Variants in NEBL observed in about 807,000 individuals in gnomAD.
NEBL encodes the protein LIM and SH3 protein 2.
Under a neutral mutation model 140.2 loss-of-function variants are expected in NEBL, and 122 were observed. That is an observed-to-expected ratio of 0.87 (90% CI 0.75 to 1.01). The LOEUF is 1.01. NEBL is among the 50% of genes least tolerant of loss of function. NEBL has a pLI of 0.00. For synonymous variants in NEBL, 436 were observed against 398.9 expected, an observed-to-expected ratio of 1.09 and a Z score of -1.11; for missense variants, 1,365 against 1,231.3, an observed-to-expected ratio of 1.11 and a Z score of -1.62.
At chr10:21,183,155 C>T (rs747436378) in intron 3 of NEBL, among the ~76,000 whole-genome samples, 37 of 152,194 alleles carry the variant, frequency 2.4e-4, no homozygotes, top group Non-Finnish European at 4.6e-4. Context: ...ATGAAAACCG[C>T]TGATACACTC....
chr10:20,995,150 C>T (rs1837616429), intron 3 of NEBL, among the ~76,000 whole-genome samples: 1 of 152,194 alleles, frequency 6.6e-6, no homozygotes, highest in Non-Finnish European at 1.5e-5. Context: ...GGGAAAAATG[C>T]CAAGGGAAAA....
intron 2 of NEBL, among the ~76,000 whole-genome samples, chr10:21,115,654 A>T (rs1838251317): frequency 6.6e-6 from 1 of 151,444 alleles, no homozygotes; most frequent in South Asian, 2.1e-4. Flanking sequence ...TTTGTCTCTG[A>T]CTGCTTTTGA....
chr10:21,277,211 T>TC (rs1361983279), intron 1 of NEBL, among the ~76,000 whole-genome samples: 192 of 149,230 alleles, frequency 1.3e-3, no homozygotes, highest in African/African-American at 4.6e-3. Flanking sequence ...TTTCTTTCTT[T>TC]TTTTTTTTTT....
chr10:21,093,146 A>C (rs1279091370), intron 2 of NEBL, among the ~76,000 whole-genome samples: 1 of 38,236 alleles, frequency 2.6e-5, no homozygotes, highest in Non-Finnish European at 5.6e-5. Flanking sequence ...ATTTAGCAAC[A>C]AGTCTTTTTT....
At chr10:20,879,220 G>C (rs555255971) in intron 5 of NEBL, among the ~76,000 whole-genome samples, 1 of 152,306 alleles carries the variant, frequency 6.6e-6, no homozygotes, top group Non-Finnish European at 1.5e-5. Context: ...GCAGACTCAG[G>C]AGTTTGATTT....
chr10:21,161,508 A>G (rs1458947164), intron 2 of NEBL, among the ~76,000 whole-genome samples: 2 of 152,190 alleles, frequency 1.3e-5, no homozygotes, highest in African/African-American at 4.8e-5. Context: ...AGACAAAGGC[A>G]ATTAGACCAT....
intron 13 of NEBL, among the ~76,000 whole-genome samples, chr10:20,838,022 G>T (rs1158651380): frequency 1.3e-5 from 2 of 152,098 alleles, no homozygotes; most frequent in African/African-American, 4.8e-5. Context: ...AATGTATAAG[G>T]ATATTCATGT....
chr10:21,102,386 T>C (rs1837517375), intron 2 of NEBL, among the ~76,000 whole-genome samples: 1 of 152,228 alleles, frequency 6.6e-6, no homozygotes, highest in East Asian at 1.9e-4. Flanking sequence ...GTTTTCATCA[T>C]CAACTGTTTC....
chr10:20,919,133 T>TA (rs1191399640), intron 4 of NEBL, among the ~76,000 whole-genome samples: 5 of 151,970 alleles, frequency 3.3e-5, no homozygotes, highest in African/African-American at 7.2e-5. Context: ...AATTCAAAAC[T>TA]AAAAAAAATA....
chr10:20,941,799 C>A (rs1834884794), intron 4 of NEBL, among the ~76,000 whole-genome samples: 2 of 152,068 alleles, frequency 1.3e-5, no homozygotes, highest in Middle Eastern at 3.4e-3. Flanking sequence ...CAATAACAGA[C>A]AAACAGAGAG....
chr10:21,129,526 T>C, intron 2 of NEBL, among the ~76,000 whole-genome samples: 1 of 152,012 alleles, frequency 6.6e-6, no homozygotes, highest in Non-Finnish European at 1.5e-5. Context: ...TGTATATAAA[T>C]ATCTATGTAC....
At chr10:21,127,528 A>C (rs1159134305) in intron 2 of NEBL, among the ~76,000 whole-genome samples, 8 of 152,094 alleles carry the variant, frequency 5.3e-5, no homozygotes, top group Non-Finnish European at 1.0e-4. Context: ...TATACTGGAA[A>C]GTACATAGCA....
At chr10:21,166,327 TTC>T (rs1248665241) in intron 2 of NEBL, among the ~76,000 whole-genome samples, 4 of 151,310 alleles carry the variant, frequency 2.6e-5, no homozygotes, top group African/African-American at 4.9e-5. Flanking sequence ...GCCGAAAGAA[TTC>T]TCTTTTTAGT....
At chr10:20,980,451 A>G (rs7913928) in intron 3 of NEBL, among the ~76,000 whole-genome samples, 9,910 of 152,226 alleles carry the variant, frequency 0.065, 730 homozygotes, top group African/African-American at 0.18. Flanking sequence ...AAAGTAGAGA[A>G]GAAAGAAAAA....
intron 13 of NEBL, among the ~76,000 whole-genome samples, chr10:20,840,394 C>A (rs1032523853): frequency 1.3e-5 from 2 of 152,022 alleles, no homozygotes; most frequent in African/African-American, 4.8e-5. Flanking sequence ...TTATGAGTGG[C>A]AAAGCATGTG....
At position 21,203,218 on chromosome 10, in the gene NEBL, T is replaced by C. The variant is rs1330794509; in HGVS notation, n.349-30741A>G. Reference sequence around the variant, plus strand: ...GAGATAGAAGAACACGACTAAGCTGTTCCCTCATTATCACCAAATCATCTC... The same window carrying C: ...GAGATAGAAGAACACGACTAAGCTGCTCCCTCATTATCACCAAATCATCTC... On this transcript the variant is annotated intron_variant and non_coding_transcript_variant, in intron 3 of 8. Coordinates refer to the NEBL transcript ENST00000675702. Among the ~76,000 whole-genome samples the C allele has an allele frequency of 3.3e-5, 5 of 152,142 alleles. No individual in the cohort carries two copies. The East Asian group carries it at 9.6e-4, about 29-fold the overall frequency.
At chr10:21,268,792 T>C (rs1021129062) in intron 1 of NEBL, among the ~76,000 whole-genome samples, 2 of 152,080 alleles carry the variant, frequency 1.3e-5, no homozygotes, top group Non-Finnish European at 1.5e-5. Context: ...CCCAAAGTGC[T>C]GGGATTACAG....
intron 4 of NEBL, among the ~76,000 whole-genome samples, chr10:20,950,134 C>T (rs1319674814): frequency 6.6e-6 from 1 of 152,228 alleles, no homozygotes; most frequent in African/African-American, 2.4e-5. Context: ...CTAACATTGT[C>T]TGCTGCCTGT....
chr10:20,978,766 A>AAG, intron 3 of NEBL, among the ~76,000 whole-genome samples: 1 of 151,940 alleles, frequency 6.6e-6, no homozygotes, highest in East Asian at 1.9e-4. Flanking sequence ...AAAAAAAAAA[A>AAG]AAGTTTGGAA....
Sources: gnomAD v4.1 joint callset for allele counts (sites outside exome capture counted in the v4.1 genomes callset) on GRCh38, gnomAD v4.1.1 for gene constraint, MANE v1.5 for transcripts, NCBI Gene and HGNC (gene_info 2026-07-23, HGNC 2026-07-21) for gene names.